The following RBFOX3 variants were observed in gnomAD, a reference collection of about 807,000 sequenced individuals.
RBFOX3 encodes RNA binding protein fox-1 homolog 3.
Under a neutral mutation model 48.7 loss-of-function variants are expected in RBFOX3, and 17 were observed. The observed-to-expected ratio is 0.35, with a 90% CI of 0.24 to 0.52. The LOEUF is 0.52. Among genes scored for constraint, RBFOX3 ranks in the 20% least tolerant of loss-of-function variants. The probability of loss-of-function intolerance (pLI) is 0.94; values close to 1 mark genes in which losing one functional copy is unlikely to be tolerated. For synonymous variants in RBFOX3, 212 were observed against 209.5 expected (o/e 1.01, Z -0.10); for missense variants, 382 against 497.5 (o/e 0.77, Z 2.21).
At chr17:79,368,858 G>T (rs901339635) in intron 2 of RBFOX3, among the ~76,000 whole-genome samples, 1 of 152,224 alleles carries the variant, frequency 6.6e-6, no homozygotes, top group African/African-American at 2.4e-5. Context: ...CGATGCTTTT[G>T]TCTTTGTATC....
intron 4 of RBFOX3, among the ~76,000 whole-genome samples, chr17:79,118,078 G>A (rs560513487): frequency 9.2e-5 from 14 of 151,974 alleles, no homozygotes; most frequent in Non-Finnish European, 1.3e-4. Context: ...CAACCCAGCC[G>A]TGCCCTGCTC....
chr17:79,101,519 C>G, intron 9 of RBFOX3, 65 bp downstream of exon 9: 1 of 1,411,610 alleles, frequency 7.1e-7, no homozygotes. Context: ...GCAGCCTCAG[C>G]TCCCCCAGGG....
At chr17:79,606,323 T>C (rs1339191549) in intron 1 of RBFOX3, among the ~76,000 whole-genome samples, 2 of 152,304 alleles carry the variant, frequency 1.3e-5, no homozygotes, top group East Asian at 3.9e-4. Context: ...GTAATTTCTA[T>C]AGGAGTCCTA....
chr17:79,517,024 T>A (rs2085340899), intron 1 of RBFOX3, among the ~76,000 whole-genome samples: 1 of 151,934 alleles, frequency 6.6e-6, no homozygotes, highest in Admixed American at 6.6e-5. Flanking sequence ...TTGGGGAAGA[T>A]GAGAACGTTC....
chr17:79,107,662 G>A (rs766633277), intron 5 of RBFOX3, among the ~76,000 whole-genome samples: 2 of 152,246 alleles, frequency 1.3e-5, no homozygotes, highest in African/African-American at 2.4e-5. Flanking sequence ...CATCAGCATC[G>A]GCCGGGTGGA....
chr17:79,553,519 G>T (rs1281077037), intron 1 of RBFOX3, among the ~76,000 whole-genome samples: 1 of 152,116 alleles, frequency 6.6e-6, no homozygotes, highest in East Asian at 1.9e-4. Context: ...CTTTGCTGTG[G>T]AACACTTTAA....
At chr17:79,102,169 G>C (rs2076564174) in intron 8 of RBFOX3, among the ~76,000 whole-genome samples, 1 of 152,208 alleles carries the variant, frequency 6.6e-6, no homozygotes, top group South Asian at 2.1e-4. Context: ...GAGGCCGACA[G>C]GGAGGGGGGC....
rs909434349 is a variant in RBFOX3, at chr17:79,111,197, G to A, written c.222+4297C>T. On this transcript the variant is annotated intron_variant, in intron 5 of 14. Transcript: ENST00000693108. The surrounding 1 kb of genome is among the most constrained non-coding windows in gnomAD (Gnocchi z 4.2). ...CAGAGAGGCCTCCAGGGACCTGGGCGCACAGGCATCTATGCCTGCAGTGAA... is the reference window on the plus strand; with the variant it reads ...CAGAGAGGCCTCCAGGGACCTGGGCACACAGGCATCTATGCCTGCAGTGAA... Among the ~76,000 whole-genome samples, 6 of 152,336 alleles carry A rather than the reference G, an allele frequency of 3.9e-5. No individual in the cohort carries two copies. Among genetic ancestry groups the A allele is most frequent in the South Asian group, 2.1e-4 (1 of 4,818 alleles).
intron 3 of RBFOX3, among the ~76,000 whole-genome samples, chr17:79,303,707 TG>T (rs1464755138): frequency 2.0e-5 from 3 of 152,134 alleles, no homozygotes; most frequent in Non-Finnish European, 4.4e-5. Flanking sequence ...TAAATAGATG[TG>T]ATTAATAATG....
intron 2 of RBFOX3, among the ~76,000 whole-genome samples, chr17:79,373,045 A>G (rs12602415): frequency 0.44 from 66,649 of 151,996 alleles, 15,643 homozygotes; most frequent in Admixed American, 0.57. Flanking sequence ...TCCTCGGAAG[A>G]GGAAGCTCAC....
chr17:79,171,531 AAC>A (rs1222775381), intron 4 of RBFOX3, among the ~76,000 whole-genome samples: 4 of 152,208 alleles, frequency 2.6e-5, no homozygotes, highest in African/African-American at 9.6e-5. Flanking sequence ...AAAAAATAAA[AAC>A]AGACAGTGGG....
At chr17:79,098,676 T>TCC (rs2075866795) in intron 9 of RBFOX3, 1 of 152,290 alleles carries the variant, frequency 6.6e-6, no homozygotes, top group Non-Finnish European at 1.5e-5. Flanking sequence ...GGACACCAGC[T>TCC]GCCTTGCAGT....
At chr17:79,377,631 C>T (rs537342809) in intron 2 of RBFOX3, among the ~76,000 whole-genome samples, 14 of 152,302 alleles carry the variant, frequency 9.2e-5, no homozygotes, top group South Asian at 2.1e-4. Context: ...GGAGCCAGAA[C>T]GGCATTGTGT....
intron 2 of RBFOX3, among the ~76,000 whole-genome samples, chr17:79,455,399 C>G (rs1555744252): frequency 6.6e-6 from 1 of 152,124 alleles, no homozygotes; most frequent in African/African-American, 2.4e-5. Context: ...CCAGGAGGGT[C>G]AGTGTTAACT....
At chr17:79,108,638 C>T (rs1453352862) in intron 5 of RBFOX3, among the ~76,000 whole-genome samples, 4 of 152,240 alleles carry the variant, frequency 2.6e-5, no homozygotes, top group Non-Finnish European at 4.4e-5. Flanking sequence ...AGTGGCTGTC[C>T]GGCTGTCGCC....
chr17:79,376,406 G>A (rs1488229765), intron 2 of RBFOX3, among the ~76,000 whole-genome samples: 1 of 152,134 alleles, frequency 6.6e-6, no homozygotes, highest in African/African-American at 2.4e-5. Flanking sequence ...GGCCGGCCAG[G>A]CACCCGCAGG....
At chr17:79,545,319 C>T (rs77886421) in intron 1 of RBFOX3, among the ~76,000 whole-genome samples, 6,183 of 152,226 alleles carry the variant, frequency 0.041, 297 homozygotes, top group African/African-American at 0.12. Context: ...AGGGGCCAGC[C>T]GTGTTTGGGT....
At position 79,103,058 on chromosome 17, in the gene RBFOX3, G is replaced by C; in HGVS notation, c.507+104C>G. ...TCCCACCCCAGGGAACCCTGGCCAGGCTCTCTGAAGGGTGCGGCAGTGGCA... is the reference window on the plus strand; with the variant it reads ...TCCCACCCCAGGGAACCCTGGCCAGCCTCTCTGAAGGGTGCGGCAGTGGCA... On this transcript the variant is annotated intron_variant, in intron 8 of 14. Transcript: ENST00000693108. The surrounding 1 kb of genome is among the most constrained non-coding windows in gnomAD (Gnocchi z 6.1). The C allele has an allele frequency of 3.5e-6, 3 of 854,230 alleles. No homozygotes were observed. Among genetic ancestry groups the C allele is most frequent in the Non-Finnish European group, 5.7e-6 (3 of 530,298 alleles). The allele number at this position is 854,230 out of a possible 1,614,324, so 52.9% of individuals were successfully genotyped here.
rs34942623 is a variant in RBFOX3 at position 79,263,760 on chromosome 17, C to G, written c.-73-27955G>C. On this transcript the variant is annotated intron_variant, in intron 3 of 14. Coordinates refer to ENST00000693108, the MANE Select transcript of RBFOX3 (RefSeq NM_001350451.2). ...GCCAGCGAATGGCTGGATGAACGCG[C>G]GCTTACGAGGGGCAGAACGATGTCC... 7.2e-5 allele frequency among the ~76,000 whole-genome samples: 11 copies of G among 152,134 alleles called. No homozygotes were observed. In the East Asian group the frequency reaches 1.7e-3, roughly 24 times the overall value.
Sources: gnomAD v4.1 joint callset for allele counts (sites outside exome capture counted in the v4.1 genomes callset) on GRCh38, gnomAD v4.1.1 for gene constraint, Gnocchi (gnomAD v3.1) non-coding constraint, MANE v1.5 for transcripts, NCBI Gene and HGNC (gene_info 2026-07-23, HGNC 2026-07-21) for gene names.